NTSR1: variants seen among roughly 807,000 people sequenced by gnomAD.
The protein encoded by NTSR1 is neurotensin receptor 1, also known as neurotensin receptor type 1.
Under a neutral mutation model 31.2 loss-of-function variants are expected in NTSR1, and 29 were observed. The observed-to-expected ratio is 0.93, with a 90% CI of 0.69 to 1.27. The LOEUF is 1.27. Ranked by LOEUF, NTSR1 falls within the 50% of genes most tolerant of loss-of-function variation. The probability of loss-of-function intolerance (pLI) is 0.00; values close to 1 mark genes in which losing one functional copy is unlikely to be tolerated. For synonymous variants in NTSR1, 282 were observed against 269.9 expected (o/e 1.04, Z -0.44); for missense variants, 697 against 595.4 (o/e 1.17, Z -1.78).
chr20:62,738,803 C>T lies in NTSR1; in HGVS notation c.715-15882C>T, dbSNP rs1045283099. ...CTTGGCAGCAGAGATGGCGGAGGGT[C>T]TAGGTCTCAGGCCAGAGATCTCCAA... is the stretch of plus-strand genomic sequence containing the variant. On this transcript the variant is annotated intron_variant, in intron 1 of 3. Coordinates refer to ENST00000370501, the MANE Select transcript of NTSR1 (RefSeq NM_002531.3). Among the ~76,000 whole-genome samples, 11 of 152,354 alleles carry T rather than the reference C, an allele frequency of 7.2e-5. No individual in the cohort carries two copies. In the Middle Eastern group the frequency reaches 0.01, roughly 141 times the overall value.
intron 1 of NTSR1, among the ~76,000 whole-genome samples, chr20:62,724,771 C>T (rs992811719): frequency 1.8e-4 from 28 of 152,196 alleles, no homozygotes; most frequent in African/African-American, 6.0e-4. Flanking sequence ...CCACACTCCG[C>T]GGAGGCTCTA....
intron 1 of NTSR1, among the ~76,000 whole-genome samples, chr20:62,713,987 C>A (rs1988666270): frequency 6.6e-6 from 1 of 152,204 alleles, no homozygotes; most frequent in Admixed American, 6.5e-5. Flanking sequence ...GTAATCCCAG[C>A]TACTTGGGAG....
At chr20:62,740,616 C>A (rs1351855316) in intron 1 of NTSR1, among the ~76,000 whole-genome samples, 1 of 152,226 alleles carries the variant, frequency 6.6e-6, no homozygotes, top group African/African-American at 2.4e-5. Flanking sequence ...GAGCCCCCAC[C>A]TGGCCACGGT....
rs6089767 is a variant in NTSR1 at position 62,743,866 on chromosome 20, G to A, written c.715-10819G>A. Among the ~76,000 whole-genome samples, 911 of 152,128 alleles carry A rather than the reference G, an allele frequency of 6.0e-3. 6 individuals carry two copies. The highest frequency in any genetic ancestry group is 0.021 in the African/African-American group (882 of 41,462). Reference sequence around the variant, plus strand: ...AGGCCGGCTGTCTGGAGCCTGTGTCGGGGGCACCCTCCTGCTGTCTGGCTG... The same window carrying A: ...AGGCCGGCTGTCTGGAGCCTGTGTCAGGGGCACCCTCCTGCTGTCTGGCTG... On this transcript the variant is annotated intron_variant, in intron 1 of 3. Coordinates refer to ENST00000370501, the MANE Select transcript of NTSR1 (RefSeq NM_002531.3). This position sits in a 1 kb window ranked among gnomAD's most constrained non-coding sequence, Gnocchi z 7.5.
At position 62,722,187 on chromosome 20, in the gene NTSR1, C is replaced by T. The variant is rs561767459; in HGVS notation, c.714+12266C>T. 1.1e-4 allele frequency among the ~76,000 whole-genome samples: 17 copies of T among 152,256 alleles called. 1 individual carries two copies. The East Asian group carries it at 1.9e-3, about 17-fold the overall frequency. On this transcript the variant is annotated intron_variant, in intron 1 of 3. Transcript: ENST00000370501. The stretch of plus-strand genomic sequence containing the variant: ...CAGACTCGTCATCTTGAACTTGGGT[C>T]GGCTTGGTTTCATGCTTAGTTGAGT...
At chr20:62,738,256 G>A (rs1053987228) in intron 1 of NTSR1, among the ~76,000 whole-genome samples, 1 of 152,214 alleles carries the variant, frequency 6.6e-6, no homozygotes, top group African/African-American at 2.4e-5. Flanking sequence ...TGGCCGGCCT[G>A]GATGAACCCA....
At chr20:62,725,886 A>C (rs942290119) in intron 1 of NTSR1, among the ~76,000 whole-genome samples, 1 of 152,066 alleles carries the variant, frequency 6.6e-6, no homozygotes, top group Non-Finnish European at 1.5e-5. Flanking sequence ...CACCCAGCCC[A>C]GGAAGAGCGT....
chr20:62,745,362 G>A lies in NTSR1; in HGVS notation c.715-9323G>A, dbSNP rs1379014094. Among the ~76,000 whole-genome samples, 1 of 151,932 alleles carries A rather than the reference G, an allele frequency of 6.6e-6. No individual in the cohort carries two copies. The highest frequency in any genetic ancestry group is 1.5e-5 in the Non-Finnish European group (1 of 67,982). ...ACAGAGACACAAGAAAACAGAGACA[G>A]AGATAGAGACAGAGACACAGAGATA... is the stretch of plus-strand genomic sequence containing the variant. On this transcript the variant is annotated intron_variant, in intron 1 of 3. Transcript: ENST00000370501. This position sits in a 1 kb window ranked among gnomAD's most constrained non-coding sequence, Gnocchi z 4.1.
In NTSR1 at chr20:62,762,470, T is replaced by A. The variant is rs1396530918; in HGVS notation, c.*2203T>A. ...GACTGAAGTCGGCTTTTCCCGTTGA[T>A]GTCTTGATGCTCCTATCTGTGCACT... is the stretch of plus-strand genomic sequence containing the variant. On this transcript the variant is annotated 3_prime_UTR_variant, in exon 4 of 4. Transcript: ENST00000370501. 1 of 151,236 alleles carries A rather than the reference T, an allele frequency of 6.6e-6. No homozygotes were observed. The highest frequency in any genetic ancestry group is 1.9e-4 in the East Asian group (1 of 5,172). 9.4% of individuals were successfully genotyped at this position (151,236 alleles called of 1,614,324 possible).
rs1173337389 is a variant in NTSR1 at position 62,714,752 on chromosome 20, G to A, written c.714+4831G>A. On this transcript the variant is annotated intron_variant, in intron 1 of 3. Coordinates refer to ENST00000370501, the MANE Select transcript of NTSR1 (RefSeq NM_002531.3). This position sits in a 1 kb window ranked among gnomAD's most constrained non-coding sequence, Gnocchi z 4.1. ...AACAACTCGTTCTGTTCTACAAACA[G>A]TGAGGGAATCGGAGACGGTGGCCTG... Among the ~76,000 whole-genome samples, 3 of 152,246 alleles carry A rather than the reference G, an allele frequency of 2.0e-5. No individual in the cohort carries two copies. Among genetic ancestry groups the A allele is most frequent in the Non-Finnish European group, 4.4e-5 (3 of 68,046 alleles).
intron 1 of NTSR1, among the ~76,000 whole-genome samples, chr20:62,719,869 G>A (rs1988803265): frequency 6.6e-6 from 1 of 152,292 alleles, no homozygotes; most frequent in South Asian, 2.1e-4. Context: ...ACATGAGCTG[G>A]GAGGTTCTTG....
chr20:62,709,205 A>G lies in NTSR1; in HGVS notation c.-3A>G, dbSNP rs1000881170. 1.8e-5 allele frequency: 26 copies of G among 1,432,684 alleles called. No homozygotes were observed. Among genetic ancestry groups the G allele is most frequent in the Non-Finnish European group, 2.3e-5 (25 of 1,102,248 alleles). The allele number at this position is 1,432,684 out of a possible 1,614,324, so 88.7% of individuals were successfully genotyped here. A position where few individuals can be genotyped will look rare whatever the true frequency, so the allele number is the denominator to read the frequency against. On this transcript the variant is annotated 5_prime_UTR_variant, in exon 1 of 4. Coordinates refer to ENST00000370501, the MANE Select transcript of NTSR1 (RefSeq NM_002531.3). ...GACAGAGCCGCGGACTCCAGCGCCC[A>G]CCATGCGCCTCAACAGCTCCGCGCC...
intron 1 of NTSR1, among the ~76,000 whole-genome samples, chr20:62,720,747 A>G (rs751229106): frequency 2.6e-5 from 4 of 151,674 alleles, no homozygotes; most frequent in Non-Finnish European, 4.4e-5. Context: ...TTGATTTAAG[A>G]TCTTTATTCT....
rs1309843260 is a variant in NTSR1 at position 62,732,227 on chromosome 20, G to A, written c.714+22306G>A. On this transcript the variant is annotated intron_variant, in intron 1 of 3. Coordinates refer to ENST00000370501, the MANE Select transcript of NTSR1 (RefSeq NM_002531.3). This position sits in a 1 kb window ranked among gnomAD's most constrained non-coding sequence, Gnocchi z 4.0. Reference sequence around the variant, plus strand: ...TCACAGTATGACGTTAAATAGGAGTGAGGATAGGGGGCCTCCCTGCCTCCT... The same window carrying A: ...TCACAGTATGACGTTAAATAGGAGTAAGGATAGGGGGCCTCCCTGCCTCCT... Among the ~76,000 whole-genome samples the A allele has an allele frequency of 1.3e-5, 2 of 152,178 alleles. No homozygotes were observed. The highest frequency in any genetic ancestry group is 4.8e-5 in the African/African-American group (2 of 41,450).
At chr20:62,736,659 G>T (rs571487905) in intron 1 of NTSR1, among the ~76,000 whole-genome samples, 2 of 152,350 alleles carry the variant, frequency 1.3e-5, no homozygotes, top group East Asian at 3.9e-4. Context: ...CCTCAGCATA[G>T]GACCCGCAAG....
rs1427840673 is a variant in NTSR1, at chr20:62,714,496, A to G, written c.714+4575A>G. ...GCAATCCTCATAAATCAATGGATGT[A>G]GGCATGGATTCTTGACAGCTGCTGG... On this transcript the variant is annotated intron_variant, in intron 1 of 3. Coordinates refer to ENST00000370501, the MANE Select transcript of NTSR1 (RefSeq NM_002531.3). The surrounding 1 kb of genome is among the most constrained non-coding windows in gnomAD (Gnocchi z 4.1). Among the ~76,000 whole-genome samples, 1 of 152,208 alleles carries G rather than the reference A, an allele frequency of 6.6e-6. No individual in the cohort carries two copies. The highest frequency in any genetic ancestry group is 1.5e-5 in the Non-Finnish European group (1 of 68,030).
At chr20:62,746,808 C>T (rs769593270) in intron 1 of NTSR1, among the ~76,000 whole-genome samples, 80 of 152,210 alleles carry the variant, frequency 5.3e-4, no homozygotes, top group Non-Finnish European at 1.0e-3. Context: ...CAGGGCAGGG[C>T]CAGGTTGCTT....
chr20:62,754,811 G>T lies in NTSR1; in HGVS notation c.841G>T (p.Gly281Cys). The change falls in exon 2 of 4, where the codon GGC becomes TGC. Residue 281 changes from glycine (G) to cysteine (C), a missense_variant. Coordinates refer to ENST00000370501, the MANE Select transcript of NTSR1 (RefSeq NM_002531.3). The part of the protein sequence containing the change: ...AEQGQVCTVG[G>C]EHSTFSMAIE... ...GCAGGGCCAAGTGTGCACGGTCGGGGGCGAGCACAGCACATTCAGCATGGC... is the reference window on the plus strand; with the variant it reads ...GCAGGGCCAAGTGTGCACGGTCGGGTGCGAGCACAGCACATTCAGCATGGC... 6.2e-7 allele frequency: 1 copy of T among 1,610,340 alleles called. No homozygotes were observed.
chr20:62,760,177 G>A lies in NTSR1; in HGVS notation c.1167G>A (p.Arg389=), dbSNP rs1314464680. ...GCCTCTGCCCGGTGTGGCGGCGCAG[G>A]AGGAAGAGGCCAGCCTTCTCGAGGA... ...LACLCPVWRR[R]RKRPAFSRKA... Residue 389 remains arginine, a synonymous_variant, in exon 4 of 4, where the codon AGG becomes AGA. Coordinates refer to ENST00000370501, the MANE Select transcript of NTSR1 (RefSeq NM_002531.3). 6.2e-7 allele frequency: 1 copy of A among 1,614,066 alleles called. No homozygotes were observed. The highest frequency in any genetic ancestry group is 1.1e-5 in the South Asian group (1 of 91,090).
Sources: allele counts gnomAD v4.1 joint callset (sites outside exome capture counted in the v4.1 genomes callset), GRCh38; gene constraint gnomAD v4.1.1; non-coding constraint Gnocchi (gnomAD v3.1); transcripts MANE v1.5; gene names NCBI Gene and HGNC (gene_info 2026-07-23, HGNC 2026-07-21).